DISC1: variants seen among roughly 807,000 people sequenced by gnomAD.
DISC1 encodes the protein DISC1 scaffold protein.
DISC1 carries 57 observed loss-of-function variants against 84.5 expected under a neutral mutation model. The ratio of observed to expected loss-of-function variants is 0.67; its 90% CI spans 0.55 to 0.84. DISC1 has a LOEUF of 0.84. DISC1 is among the 40% of genes least tolerant of loss of function. DISC1 has a pLI of 0.00. For missense variants in DISC1, 1,000 were observed against 1,057.8 expected, an observed-to-expected ratio of 0.95 and a Z score of 0.76; for synonymous variants, 411 against 415.2, an observed-to-expected ratio of 0.99 and a Z score of 0.12.
chr1:231,746,965 A>G (rs769003933), intron 3 of DISC1, among the ~76,000 whole-genome samples: 6 of 152,086 alleles, frequency 3.9e-5, no homozygotes, highest in Non-Finnish European at 5.9e-5. Context: ...GTCTCACTCT[A>G]TTCCCCAGAC....
At chr1:231,740,444 T>C (rs1186162145) in intron 3 of DISC1, among the ~76,000 whole-genome samples, 1 of 152,184 alleles carries the variant, frequency 6.6e-6, no homozygotes, top group Non-Finnish European at 1.5e-5. Flanking sequence ...TCCAATGTCA[T>C]GCCTCCCCCA....
chr1:231,915,833 A>G (rs1051042841), intron 9 of DISC1, among the ~76,000 whole-genome samples: 3 of 152,192 alleles, frequency 2.0e-5, no homozygotes, highest in African/African-American at 7.2e-5. Flanking sequence ...GATGCAGAAG[A>G]GAAGGGATAT....
At chr1:231,671,654 A>G (rs1342395829) in intron 1 of DISC1, among the ~76,000 whole-genome samples, 1 of 152,174 alleles carries the variant, frequency 6.6e-6, no homozygotes, top group Non-Finnish European at 1.5e-5. Flanking sequence ...CATTAATTTT[A>G]TCCACATTTT....
At position 231,701,950 on chromosome 1, in the gene DISC1, C is replaced by G. The variant is rs1573006736; in HGVS notation, c.1048-5C>G. On this transcript the variant is annotated splice_polypyrimidine_tract_variant and splice_region_variant and intron_variant, in intron 2 of 12. Coordinates refer to ENST00000439617, the MANE Select transcript of DISC1 (RefSeq NM_018662.3). ...TTTTATTTTTTCCCCTTTAAACCAA[C>G]ATAGGTAATATCCTTAAGATTAAAA... 6.3e-7 allele frequency: 1 copy of G among 1,597,386 alleles called. No individual in the cohort carries two copies. Among genetic ancestry groups the G allele is most frequent in the East Asian group, 2.2e-5 (1 of 44,456 alleles).
At chr1:231,906,791 C>T (rs1400160914) in intron 9 of DISC1, among the ~76,000 whole-genome samples, 5 of 150,710 alleles carry the variant, frequency 3.3e-5, no homozygotes, top group Admixed American at 3.3e-4. Flanking sequence ...ACAGGAGCTG[C>T]GTACGTATTA....
chr1:232,029,306 G>T (rs1669778694), intron 12 of DISC1, among the ~76,000 whole-genome samples: 1 of 152,088 alleles, frequency 6.6e-6, no homozygotes, highest in Non-Finnish European at 1.5e-5. Flanking sequence ...TACACAGAAG[G>T]TGTCTTTGAA....
At chr1:231,937,657 G>C (rs1284192008) in intron 9 of DISC1, among the ~76,000 whole-genome samples, 1 of 152,160 alleles carries the variant, frequency 6.6e-6, no homozygotes, top group Admixed American at 6.5e-5. Context: ...CGGGTGGATG[G>C]GGGGATGTCC....
At chr1:232,032,800 T>C (rs1670178165) in intron 12 of DISC1, among the ~76,000 whole-genome samples, 1 of 152,222 alleles carries the variant, frequency 6.6e-6, no homozygotes, top group Admixed American at 6.5e-5. Flanking sequence ...CTAAAATTTC[T>C]ATTTGCCTAA....
At chr1:231,781,687 G>C (rs1373528912) in intron 6 of DISC1, among the ~76,000 whole-genome samples, 1 of 152,118 alleles carries the variant, frequency 6.6e-6, no homozygotes, top group African/African-American at 2.4e-5. Flanking sequence ...GCAATCTTCT[G>C]TTCCCTTTAT....
intron 10 of DISC1, among the ~76,000 whole-genome samples, chr1:231,979,684 T>TATATATATATATATATATATA (rs1663324260): frequency 6.6e-6 from 1 of 151,048 alleles, no homozygotes; most frequent in African/African-American, 2.4e-5. Flanking sequence ...AATAGTATAC[T>TATATATATATATATATATATA]GATATATATA....
At chr1:232,017,317 A>G (rs752353043) in intron 11 of DISC1, among the ~76,000 whole-genome samples, 11 of 152,132 alleles carry the variant, frequency 7.2e-5, no homozygotes, top group Non-Finnish European at 1.3e-4. Context: ...CAATGTAACA[A>G]CCATTATGAG....
chr1:231,757,772 G>T (rs1180966685), intron 4 of DISC1, among the ~76,000 whole-genome samples: 2 of 152,124 alleles, frequency 1.3e-5, no homozygotes, highest in African/African-American at 2.4e-5. Context: ...GCCCTGCTAG[G>T]TCTCTCTAAT....
At chr1:231,754,786 G>A (rs2074958096) in intron 4 of DISC1, among the ~76,000 whole-genome samples, 1 of 152,132 alleles carries the variant, frequency 6.6e-6, no homozygotes, top group East Asian at 1.9e-4. Flanking sequence ...AACATTTTAT[G>A]GGGTTTGACC....
intron 9 of DISC1, among the ~76,000 whole-genome samples, chr1:231,856,536 C>T (rs984566568): frequency 6.6e-6 from 1 of 152,206 alleles, no homozygotes; most frequent in Non-Finnish European, 1.5e-5. Context: ...TCTCTCATGT[C>T]CCTGCTCCAG....
chr1:232,014,654 T>C (rs1411645713), intron 11 of DISC1, among the ~76,000 whole-genome samples: 4 of 152,268 alleles, frequency 2.6e-5, no homozygotes. Context: ...TCATTCGATA[T>C]AGGACCAAGT....
At chr1:231,744,286 C>T (rs1022049149) in intron 3 of DISC1, among the ~76,000 whole-genome samples, 1 of 152,076 alleles carries the variant, frequency 6.6e-6, no homozygotes, top group Non-Finnish European at 1.5e-5. Context: ...ACCCACTGCC[C>T]CAGGGTGAAG....
intron 9 of DISC1, among the ~76,000 whole-genome samples, chr1:231,947,069 T>C (rs2126147363): frequency 6.6e-6 from 1 of 152,318 alleles, no homozygotes; most frequent in Non-Finnish European, 1.5e-5. Flanking sequence ...CCCATCAAGC[T>C]ACCACTGACT....
At chr1:231,871,130 G>A (rs763602494) in intron 9 of DISC1, among the ~76,000 whole-genome samples, 97 of 152,294 alleles carry the variant, frequency 6.4e-4, no homozygotes, top group Middle Eastern at 6.8e-3. Flanking sequence ...TTGATGCAGC[G>A]AGCCCAGGGC....
intron 1 of DISC1, among the ~76,000 whole-genome samples, chr1:231,653,869 A>G (rs1411539155): frequency 6.6e-6 from 1 of 152,114 alleles, no homozygotes; most frequent in African/African-American, 2.4e-5. Flanking sequence ...GCGCCTCCCA[A>G]TTTTCAATGA....
Sources: allele counts gnomAD v4.1 joint callset (sites outside exome capture counted in the v4.1 genomes callset), GRCh38; gene constraint gnomAD v4.1.1; transcripts MANE v1.5; gene names NCBI Gene and HGNC (gene_info 2026-07-23, HGNC 2026-07-21).